SLC38A11: variants seen among roughly 807,000 people sequenced by gnomAD.
The protein encoded by SLC38A11 is putative sodium-coupled neutral amino acid transporter 11.
SLC38A11 carries 51 observed loss-of-function variants against 49.4 expected under a neutral mutation model. The ratio of observed to expected loss-of-function variants is 1.03; its 90% CI spans 0.83 to 1.30. The LOEUF is 1.30. Among genes scored for constraint, SLC38A11 ranks in the 50% most tolerant of loss-of-function variants. The probability of loss-of-function intolerance (pLI) is 0.00; values close to 1 mark genes in which losing one functional copy is unlikely to be tolerated. For missense variants in SLC38A11, 574 were observed against 556.2 expected, an observed-to-expected ratio of 1.03 and a Z score of -0.32; for synonymous variants, 203 against 192.9, an observed-to-expected ratio of 1.05 and a Z score of -0.43.
At chr2:164,898,787 C>T in intron 11 of SLC38A11, 57 bp from the exon 12 acceptor site, 1 of 1,530,652 alleles carries the variant, frequency 6.5e-7, no homozygotes, top group Non-Finnish European at 8.9e-7. Flanking sequence ...ATTCTTCGGA[C>T]AGCTTTTAAA....
In SLC38A11 at chr2:164,894,573, T is replaced by C. The variant is rs756459456; in HGVS notation, c.*3864A>G. Among the ~76,000 whole-genome samples the C allele has an allele frequency of 6.6e-6, 1 of 152,142 alleles. No homozygotes were observed. Among genetic ancestry groups the C allele is most frequent in the Non-Finnish European group, 1.5e-5 (1 of 68,030 alleles). ...CTTTTGAGAAACTGATATATTTTCT[T>C]CATTCTCACAATGGCAGCCATGAAA... On this transcript the variant is annotated 3_prime_UTR_variant, in exon 12 of 12. Coordinates refer to ENST00000685975, the MANE Select transcript of SLC38A11 (RefSeq NM_001351537.2).
chr2:164,952,998 G>T, intron 2 of SLC38A11: 1 of 466,044 alleles, frequency 2.1e-6, no homozygotes, highest in Non-Finnish European at 3.8e-6. Context: ...AGTTAAGAGA[G>T]CAAGTTTCTG....
At chr2:164,924,365 T>C (rs1216028577) in intron 7 of SLC38A11, among the ~76,000 whole-genome samples, 1 of 152,050 alleles carries the variant, frequency 6.6e-6, no homozygotes, top group African/African-American at 2.4e-5. Flanking sequence ...GTTGAAAAAA[T>C]ACCTATTGGG....
chr2:164,915,496 C>T, intron 8 of SLC38A11: 1 of 478,554 alleles, frequency 2.1e-6, no homozygotes, highest in Non-Finnish European at 3.7e-6. Context: ...TGATATAAAC[C>T]AGGCCAGTCC....
intron 9 of SLC38A11, chr2:164,912,308 TG>T: frequency 6.6e-6 from 1 of 152,232 alleles, no homozygotes; most frequent in South Asian, 2.1e-4. Flanking sequence ...TATTTGTTTT[TG>T]GTAGATTTGC....
chr2:164,935,435 T>C (rs1244657562), intron 7 of SLC38A11, among the ~76,000 whole-genome samples: 1 of 148,756 alleles, frequency 6.7e-6, no homozygotes, highest in African/African-American at 2.5e-5. Flanking sequence ...CTTTGGGGTC[T>C]GAGGCAGGAG....
chr2:164,936,141 A>G (rs1024912480), intron 7 of SLC38A11, among the ~76,000 whole-genome samples: 1 of 152,228 alleles, frequency 6.6e-6, no homozygotes, highest in Admixed American at 6.5e-5. Context: ...TTTGAAGAAA[A>G]AAATAATATA....
At chr2:164,942,964 T>A (rs1434626193) in intron 5 of SLC38A11, among the ~76,000 whole-genome samples, 1 of 152,226 alleles carries the variant, frequency 6.6e-6, no homozygotes, top group Non-Finnish European at 1.5e-5. Context: ...TGTGATTTGA[T>A]AGCTATGTCT....
At position 164,895,553 on chromosome 2, in the gene SLC38A11, T is replaced by A. The variant is rs559420430; in HGVS notation, c.*2884A>T. ...TCTTTAATTAAGTAGATGTGTATAGTATGACTTCAGCAGAGGACTAATTGA... is the reference window on the plus strand; with the variant it reads ...TCTTTAATTAAGTAGATGTGTATAGAATGACTTCAGCAGAGGACTAATTGA... On this transcript the variant is annotated 3_prime_UTR_variant, in exon 12 of 12. Transcript: ENST00000685975. 6.6e-6 allele frequency: 1 copy of A among 152,314 alleles called. No individual in the cohort carries two copies. The highest frequency in any genetic ancestry group is 2.1e-4 in the South Asian group (1 of 4,834). The allele number at this position is 152,314 out of a possible 1,614,324, so 9.4% of individuals were successfully genotyped here. A position where few individuals can be genotyped will look rare whatever the true frequency, so the allele number is the denominator to read the frequency against.
intron 6 of SLC38A11, 148 bp downstream of exon 6, chr2:164,939,302 A>T (rs989707927): frequency 2.2e-6 from 1 of 464,142 alleles, no homozygotes; most frequent in Non-Finnish European, 3.9e-6. Context: ...CAAACTAATG[A>T]TTCAAACACA....
Position 164,919,766 on chromosome 2 carries a change from A to G in SLC38A11, c.618-3793T>C, listed in dbSNP as rs138300941. ...ACTGTATTTTAAAATTTGTATCATTATTGTCATATTGTTATTTTTAATTTT... is the reference window on the plus strand; with the variant it reads ...ACTGTATTTTAAAATTTGTATCATTGTTGTCATATTGTTATTTTTAATTTT... On this transcript the variant is annotated intron_variant, in intron 7 of 11. Transcript: ENST00000685975. Among the ~76,000 whole-genome samples the G allele has an allele frequency of 4.7e-3, 711 of 152,274 alleles. 2 individuals carry two copies. The highest frequency in any genetic ancestry group is 0.016 in the African/African-American group (677 of 41,542).
intron 7 of SLC38A11, among the ~76,000 whole-genome samples, chr2:164,933,685 C>T (rs899768783): frequency 3.3e-5 from 5 of 151,858 alleles, no homozygotes; most frequent in African/African-American, 1.2e-4. Flanking sequence ...TCATCTGAAC[C>T]GAAAATGAAG....
intron 7 of SLC38A11, among the ~76,000 whole-genome samples, chr2:164,935,546 A>G (rs1902053): frequency 0.75 from 111,846 of 149,338 alleles, 42,263 homozygotes; most frequent in East Asian, 1. Context: ...AATTAGCCGG[A>G]TGTGGCACAT....
intron 11 of SLC38A11, 94 bp downstream of exon 11, chr2:164,908,546 C>T: frequency 1.7e-6 from 2 of 1,205,374 alleles, no homozygotes; most frequent in Non-Finnish European, 2.2e-6. Context: ...AAAAGTGACA[C>T]TTTTGTTAAG....
At chr2:164,909,316 G>A (rs1319312040) in intron 10 of SLC38A11, among the ~76,000 whole-genome samples, 2 of 151,842 alleles carry the variant, frequency 1.3e-5, no homozygotes, top group African/African-American at 2.4e-5. Flanking sequence ...CATTTTTCAT[G>A]ACTACTCAGA....
intron 3 of SLC38A11, among the ~76,000 whole-genome samples, chr2:164,951,071 C>T (rs1322769671): frequency 6.6e-6 from 1 of 152,106 alleles, no homozygotes; most frequent in African/African-American, 2.4e-5. Context: ...TTGCAAAGGA[C>T]TTCTCACAGT....
chr2:164,954,020 T>A (rs1688690343), intron 2 of SLC38A11, among the ~76,000 whole-genome samples: 1 of 152,140 alleles, frequency 6.6e-6, no homozygotes, highest in Non-Finnish European at 1.5e-5. Flanking sequence ...TAATTCTGAT[T>A]GTATGGCTCC....
At chr2:164,905,118 TC>T (rs1376942168) in intron 11 of SLC38A11, among the ~76,000 whole-genome samples, 10 of 142,166 alleles carry the variant, frequency 7.0e-5, no homozygotes, top group East Asian at 2.1e-4. Flanking sequence ...TTATTATTAT[TC>T]TTTTTTTTTA....
rs1685736886 is a variant in SLC38A11 at position 164,915,775 on chromosome 2, C to A, written c.688+128G>T. ...AATTTTATATTGGCACAAACTAGAT[C>A]ATATGCTGCTAATAGGAAGTCTAAA... On this transcript the variant is annotated intron_variant, in intron 8 of 11. Transcript: ENST00000685975. 4 of 653,158 alleles carry A rather than the reference C, an allele frequency of 6.1e-6. No individual in the cohort carries two copies. The South Asian group carries it at 1.1e-4, about 19-fold the overall frequency. 40.5% of individuals were successfully genotyped at this position (653,158 alleles called of 1,614,324 possible).
Sources: gnomAD v4.1 joint callset for allele counts (sites outside exome capture counted in the v4.1 genomes callset) on GRCh38, gnomAD v4.1.1 for gene constraint, MANE v1.5 for transcripts, NCBI Gene and HGNC (gene_info 2026-07-23, HGNC 2026-07-21) for gene names.